Variants in GRM8 observed in about 807,000 individuals in gnomAD.
GRM8 encodes glutamate metabotropic receptor 8, also known as metabotropic glutamate receptor 8.
GRM8 carries 47 observed loss-of-function variants against 87.2 expected under a neutral mutation model. That is an observed-to-expected ratio of 0.54 (90% CI 0.43 to 0.69). The LOEUF is 0.69. Among genes scored for constraint, GRM8 ranks in the 30% least tolerant of loss-of-function variants. The probability of loss-of-function intolerance (pLI) is 0.00; values close to 1 mark genes in which losing one functional copy is unlikely to be tolerated. For synonymous variants in GRM8, 396 were observed against 404.5 expected, an observed-to-expected ratio of 0.98 and a Z score of 0.25; for missense variants, 1,019 against 1,139.2, an observed-to-expected ratio of 0.89 and a Z score of 1.52.
At chr7:127,177,658 T>C (rs969907039) in intron 2 of GRM8, among the ~76,000 whole-genome samples, 2 of 152,144 alleles carry the variant, frequency 1.3e-5, no homozygotes, top group Admixed American at 1.3e-4. Context: ...GACCCATAGA[T>C]GGTTCACATC....
At chr7:126,781,842 A>G (rs1283220681) in intron 6 of GRM8, among the ~76,000 whole-genome samples, 1 of 152,066 alleles carries the variant, frequency 6.6e-6, no homozygotes, top group Non-Finnish European at 1.5e-5. Flanking sequence ...CAGCCTCCCA[A>G]GTAGAATGGA....
At chr7:126,720,941 C>A (rs1812328096) in intron 7 of GRM8, among the ~76,000 whole-genome samples, 1 of 152,158 alleles carries the variant, frequency 6.6e-6, no homozygotes, top group Non-Finnish European at 1.5e-5. Context: ...TGCCTTCCTT[C>A]ACTTTTTCCC....
intron 6 of GRM8, among the ~76,000 whole-genome samples, chr7:126,798,773 G>A (rs149314273): frequency 3.9e-5 from 6 of 152,264 alleles, no homozygotes; most frequent in African/African-American, 1.4e-4. Flanking sequence ...GAGGACAGAT[G>A]ACTGGCATTT....
At chr7:126,913,531 C>G (rs1033990052) in intron 3 of GRM8, among the ~76,000 whole-genome samples, 2 of 152,186 alleles carry the variant, frequency 1.3e-5, no homozygotes, top group South Asian at 2.1e-4. Flanking sequence ...TATGAACATG[C>G]CTTCAGATAA....
At chr7:127,132,085 T>C (rs1827719276) in intron 2 of GRM8, among the ~76,000 whole-genome samples, 1 of 152,222 alleles carries the variant, frequency 6.6e-6, no homozygotes, top group Non-Finnish European at 1.5e-5. Flanking sequence ...CAGTCTTCAT[T>C]ATCTATGGCA....
At chr7:127,129,632 T>C (rs1467044675) in intron 2 of GRM8, among the ~76,000 whole-genome samples, 2 of 152,096 alleles carry the variant, frequency 1.3e-5, no homozygotes, top group Non-Finnish European at 2.9e-5. Context: ...GGGATTTAAT[T>C]CCCAGACCAT....
At chr7:126,887,752 A>G (rs879548901) in intron 6 of GRM8, among the ~76,000 whole-genome samples, 5 of 152,114 alleles carry the variant, frequency 3.3e-5, no homozygotes, top group Admixed American at 2.6e-4. Context: ...GCAGTTCTCC[A>G]GGGGAACGTG....
At chr7:126,745,188 A>G (rs1411590295) in intron 7 of GRM8, among the ~76,000 whole-genome samples, 1 of 151,364 alleles carries the variant, frequency 6.6e-6, no homozygotes, top group Non-Finnish European at 1.5e-5. Flanking sequence ...AATTTAATAG[A>G]AAAAAAAGAT....
chr7:127,225,882 C>T lies in GRM8; in HGVS notation c.510+16813G>A, dbSNP rs1010195411. On this transcript the variant is annotated intron_variant, in intron 2 of 10. Coordinates refer to ENST00000339582, the MANE Select transcript of GRM8 (RefSeq NM_000845.3). Reference sequence around the variant, plus strand: ...TGCTGCTGTGTTTCTAGACCCTTAACTTTGTACCTCCTAGAAGAATGCTTC... The same window carrying T: ...TGCTGCTGTGTTTCTAGACCCTTAATTTTGTACCTCCTAGAAGAATGCTTC... Among the ~76,000 whole-genome samples the T allele has an allele frequency of 2.6e-5, 4 of 151,860 alleles. 1 individual carries two copies. The highest frequency in any genetic ancestry group is 4.8e-5 in the African/African-American group (2 of 41,378).
intron 3 of GRM8, among the ~76,000 whole-genome samples, chr7:126,913,571 GT>G (rs762237103): frequency 2.0e-5 from 3 of 152,204 alleles, no homozygotes; most frequent in East Asian, 1.9e-4. Context: ...ATAACCAGGT[GT>G]TTTTTTAAGG....
At chr7:126,692,671 T>C (rs1156755767) in intron 7 of GRM8, among the ~76,000 whole-genome samples, 3 of 152,200 alleles carry the variant, frequency 2.0e-5, no homozygotes, top group Non-Finnish European at 2.9e-5. Flanking sequence ...ATTGCTTAAC[T>C]GTAGAATGTA....
intron 9 of GRM8, among the ~76,000 whole-genome samples, chr7:126,527,681 A>G (rs915100443): frequency 2.0e-5 from 3 of 152,232 alleles, no homozygotes; most frequent in Non-Finnish European, 4.4e-5. Flanking sequence ...TACCTCTCGA[A>G]TATTAGAATT....
chr7:126,778,625 T>C (rs999035814), intron 6 of GRM8, among the ~76,000 whole-genome samples: 1 of 152,144 alleles, frequency 6.6e-6, no homozygotes, highest in Non-Finnish European at 1.5e-5. Context: ...AGAGACAAAT[T>C]TTGATTTAAA....
chr7:126,635,288 G>A (rs550574234), intron 7 of GRM8, among the ~76,000 whole-genome samples: 161 of 152,152 alleles, frequency 1.1e-3, no homozygotes, highest in Non-Finnish European at 1.7e-3. Flanking sequence ...ATGAATTCCC[G>A]TTTGAAAAGA....
At chr7:126,725,883 T>C (rs1171408347) in intron 7 of GRM8, among the ~76,000 whole-genome samples, 1 of 152,162 alleles carries the variant, frequency 6.6e-6, no homozygotes, top group Non-Finnish European at 1.5e-5. Context: ...CCAGATATCC[T>C]GTGAACTCAA....
intron 9 of GRM8, among the ~76,000 whole-genome samples, chr7:126,470,678 T>C (rs920396412): frequency 2.0e-5 from 3 of 152,142 alleles, no homozygotes; most frequent in African/African-American, 7.2e-5. Flanking sequence ...TATAGCAACA[T>C]GATTTATAGT....
intron 3 of GRM8, among the ~76,000 whole-genome samples, chr7:126,934,499 T>C (rs1422225138): frequency 1.3e-5 from 2 of 152,198 alleles, no homozygotes; most frequent in Non-Finnish European, 2.9e-5. Flanking sequence ...ACTGGCAATA[T>C]TAAAGTCAAA....
rs540045436 is a variant in GRM8, at chr7:126,866,988, ACAT to A, written c.1156+35551_1156+35553del. On this transcript the variant is annotated intron_variant, in intron 6 of 10. Transcript: ENST00000339582. ...AAACTAAAGATCTGACAAGAAAATG[ACAT>A]GATTTGGGGCGTATTATGCATAATT... is the stretch of plus-strand genomic sequence containing the variant. Among the ~76,000 whole-genome samples, 321 of 152,306 alleles carry A rather than the reference ACAT, an allele frequency of 2.1e-3. 1 individual carries two copies. Among genetic ancestry groups the A allele is most frequent in the African/African-American group, 7.4e-3 (307 of 41,564 alleles).
In GRM8 at chr7:127,182,635, GTGTGTGTGT is replaced by G. The variant is rs1563563592; in HGVS notation, c.510+60051_510+60059del. On this transcript the variant is annotated intron_variant, in intron 2 of 10. Coordinates refer to ENST00000339582, the MANE Select transcript of GRM8 (RefSeq NM_000845.3). ...AATGAGTAGATAAAGAAAGTGTGGTGTGTGTGTGTGTGTGTGTGTGTGTGTGTGTGTGTG... is the reference window on the plus strand; with the variant it reads ...AATGAGTAGATAAAGAAAGTGTGGTGGTGTGTGTGTGTGTGTGTGTGTGTG... 7.3e-3 allele frequency among the ~76,000 whole-genome samples: 68 copies of G among 9,308 alleles called. 1 individual carries two copies. In the African/African-American group the frequency reaches 0.083, roughly 11 times the overall value. The allele number at this position is 9,308 out of a possible 152,430, so 6.1% of individuals were successfully genotyped here.
Sources: gnomAD v4.1 joint callset for allele counts (sites outside exome capture counted in the v4.1 genomes callset) on GRCh38, gnomAD v4.1.1 for gene constraint, MANE v1.5 for transcripts, NCBI Gene and HGNC (gene_info 2026-07-23, HGNC 2026-07-21) for gene names.